Variants in CCR3 observed in about 807,000 individuals in gnomAD.
The protein encoded by CCR3 is C-C motif chemokine receptor 3, also known as C-C chemokine receptor type 3.
For synonymous variants in CCR3, 203 were observed against 179.2 expected, an observed-to-expected ratio of 1.13 and a Z score of -1.06; for missense variants, 419 against 437.5, an observed-to-expected ratio of 0.96 and a Z score of 0.38.
chr3:46,226,954 C>T (rs1215240885), intron 2 of CCR3, among the ~76,000 whole-genome samples: 1 of 152,002 alleles, frequency 6.6e-6, no homozygotes, highest in African/African-American at 2.4e-5. Flanking sequence ...TCACTGCAAC[C>T]TCTGCTGCCC....
At chr3:46,237,499 A>G (rs1433590194), upstream of CCR3, among the ~76,000 whole-genome samples, 1 of 152,236 alleles carries the variant, frequency 6.6e-6, no homozygotes, top group African/African-American at 2.4e-5. Flanking sequence ...TGTTAGCCAC[A>G]AGAGCTTTGC....
At chr3:46,222,335 G>A (rs1319094776) in intron 2 of CCR3, among the ~76,000 whole-genome samples, 4 of 152,198 alleles carry the variant, frequency 2.6e-5, no homozygotes, top group Admixed American at 2.0e-4. Context: ...GGTCCAGTAT[G>A]ATAATCTGGA....
rs774071652 is a variant in CCR3, at chr3:46,215,599, C to T, written c.-68+4692C>T. Among the ~76,000 whole-genome samples, 10 of 152,170 alleles carry T rather than the reference C, an allele frequency of 6.6e-5. No individual in the cohort carries two copies. In the East Asian group the frequency reaches 9.6e-4, roughly 15 times the overall value. The stretch of plus-strand genomic sequence containing the variant: ...GATCCCCAAGGGATTTGTTTGCACA[C>T]GACAGTGTGAGACACCCTGGTCTAG... On this transcript the variant is annotated intron_variant, in intron 2 of 3. Transcript: ENST00000357422.
At chr3:46,225,214 T>A (rs1318835240) in intron 2 of CCR3, among the ~76,000 whole-genome samples, 1 of 152,100 alleles carries the variant, frequency 6.6e-6, no homozygotes, top group Non-Finnish European at 1.5e-5. Context: ...TCTATGGAGG[T>A]GGGTACTGAC....
intron 1 of CCR3, among the ~76,000 whole-genome samples, chr3:46,245,609 G>A (rs530603680): frequency 2.6e-5 from 4 of 151,662 alleles, no homozygotes; most frequent in East Asian, 1.9e-4. Flanking sequence ...GCTTTGTTAC[G>A]TAGGTAAACT....
chr3:46,221,630 A>G (rs1699838148), intron 2 of CCR3, among the ~76,000 whole-genome samples: 1 of 151,984 alleles, frequency 6.6e-6, no homozygotes, highest in East Asian at 1.9e-4. Context: ...CCTTTTCTAG[A>G]CTTTTAGTCT....
chr3:46,260,660 C>T (rs1014964713), intron 1 of CCR3, among the ~76,000 whole-genome samples: 1 of 152,062 alleles, frequency 6.6e-6, no homozygotes, highest in Non-Finnish European at 1.5e-5. Context: ...GTTAAGAAAA[C>T]AAAAATGAAA....
chr3:46,266,476 A>C lies in CCR3; in HGVS notation c.*250A>C. The C allele has an allele frequency of 2.5e-6, 1 of 398,794 alleles. No homozygotes were observed. 24.7% of individuals were successfully genotyped at this position (398,794 alleles called of 1,614,324 possible). On this transcript the variant is annotated 3_prime_UTR_variant, in exon 2 of 2. Transcript: ENST00000395940. ...GCAGAGCTTTGCTTCTCTCTCTAAAATGAGTTACCTACATTTTAATGCACC... is the reference window on the plus strand; with the variant it reads ...GCAGAGCTTTGCTTCTCTCTCTAAACTGAGTTACCTACATTTTAATGCACC...
At chr3:46,246,878 G>A (rs1244593875) in intron 1 of CCR3, among the ~76,000 whole-genome samples, 6 of 152,116 alleles carry the variant, frequency 3.9e-5, no homozygotes, top group Admixed American at 1.3e-4. Context: ...GGAACCTAGA[G>A]TGGGAGAGAT....
Position 46,266,478 on chromosome 3 carries a change from G to A in CCR3, c.*252G>A. The stretch of plus-strand genomic sequence containing the variant: ...AGAGCTTTGCTTCTCTCTCTAAAAT[G>A]AGTTACCTACATTTTAATGCACCTG... On this transcript the variant is annotated 3_prime_UTR_variant, in exon 2 of 2. Coordinates refer to ENST00000395940, the MANE Select transcript of CCR3 (RefSeq NM_178329.3). The A allele has an allele frequency of 2.5e-6, 1 of 396,900 alleles. No homozygotes were observed. The highest frequency in any genetic ancestry group is 4.6e-6 in the Non-Finnish European group (1 of 215,236). 24.6% of individuals were successfully genotyped at this position (396,900 alleles called of 1,614,324 possible).
Position 46,266,472 on chromosome 3 carries a change from T to G in CCR3, c.*246T>G. 1 of 407,276 alleles carries G rather than the reference T, an allele frequency of 2.5e-6. No individual in the cohort carries two copies. The highest frequency in any genetic ancestry group is 8.6e-5 in the South Asian group (1 of 11,640). The allele number at this position is 407,276 out of a possible 1,614,324, so 25.2% of individuals were successfully genotyped here. ...AAAAGCAGAGCTTTGCTTCTCTCTC[T>G]AAAATGAGTTACCTACATTTTAATG... is the stretch of plus-strand genomic sequence containing the variant. On this transcript the variant is annotated 3_prime_UTR_variant, in exon 2 of 2. Transcript: ENST00000395940.
intron 2 of CCR3, among the ~76,000 whole-genome samples, chr3:46,211,897 G>A (rs1699719465): frequency 6.6e-6 from 1 of 152,156 alleles, no homozygotes. Context: ...TGGAAACAGA[G>A]AAATATCAAT....
intron 2 of CCR3, among the ~76,000 whole-genome samples, chr3:46,233,014 G>T (rs569022934): frequency 2.6e-5 from 4 of 152,110 alleles, no homozygotes; most frequent in African/African-American, 9.7e-5. Flanking sequence ...TGTATTTTTC[G>T]TAGAGACGGG....
upstream of CCR3, among the ~76,000 whole-genome samples, chr3:46,241,490 A>G (rs1286673418): frequency 2.6e-5 from 4 of 152,138 alleles, no homozygotes; most frequent in Non-Finnish European, 4.4e-5. Context: ...GCTCTGCCCT[A>G]TGACGCTTAT....
chr3:46,225,647 A>T (rs1014606343), intron 2 of CCR3, among the ~76,000 whole-genome samples: 3 of 152,086 alleles, frequency 2.0e-5, no homozygotes, highest in Non-Finnish European at 2.9e-5. Context: ...TTTAATTTGC[A>T]TTTCCCTAAA....
intron 1 of CCR3, among the ~76,000 whole-genome samples, chr3:46,244,124 T>A (rs189956267): frequency 6.6e-6 from 1 of 152,348 alleles, no homozygotes; most frequent in Admixed American, 6.5e-5. Flanking sequence ...TTGTGTAATA[T>A]ACCTTAAGGA....
At chr3:46,250,792 C>T (rs1339401992) in intron 1 of CCR3, among the ~76,000 whole-genome samples, 1 of 151,408 alleles carries the variant, frequency 6.6e-6, no homozygotes, top group Non-Finnish European at 1.5e-5. Context: ...AGAGTAGAGA[C>T]ATGGAGGGAA....
chr3:46,222,014 A>G (rs1235534712), intron 2 of CCR3, among the ~76,000 whole-genome samples: 1 of 152,100 alleles, frequency 6.6e-6, no homozygotes, highest in Non-Finnish European at 1.5e-5. Flanking sequence ...ACAAACTGGC[A>G]CTGAAGATTC....
At chr3:46,242,982 C>CATAT (rs10662192) in intron 1 of CCR3, among the ~76,000 whole-genome samples, 7,146 of 98,542 alleles carry the variant, frequency 0.073, 404 homozygotes, top group South Asian at 0.2. Flanking sequence ...TATATATACA[C>CATAT]ATATATATAT....
Sources: allele counts gnomAD v4.1 joint callset (sites outside exome capture counted in the v4.1 genomes callset), GRCh38; gene constraint gnomAD v4.1.1; transcripts MANE v1.5; gene names NCBI Gene and HGNC (gene_info 2026-07-23, HGNC 2026-07-21).